ARFGEF2: variants seen among roughly 807,000 people sequenced by gnomAD.
ARFGEF2 encodes the protein ARF guanine nucleotide exchange factor 2.
A neutral mutation model predicts 219.9 loss-of-function variants in ARFGEF2; 74 were observed. That is an observed-to-expected ratio of 0.34 (90% CI 0.28 to 0.41). The LOEUF is 0.41. ARFGEF2 is among the 10% of genes least tolerant of loss of function. ARFGEF2 has a pLI of 1.00. For missense variants in ARFGEF2, 1,743 were observed against 2,218.3 expected, an observed-to-expected ratio of 0.79 and a Z score of 4.30; for synonymous variants, 733 against 799.2, an observed-to-expected ratio of 0.92 and a Z score of 1.40.
chr20:48,956,769 G>A (rs899559486), intron 6 of ARFGEF2, among the ~76,000 whole-genome samples: 3 of 152,050 alleles, frequency 2.0e-5, no homozygotes, highest in Non-Finnish European at 2.9e-5. Flanking sequence ...TAGTAGAAAC[G>A]GAGTTTCACC....
At chr20:48,963,069 G>A (rs989724656) in intron 6 of ARFGEF2, among the ~76,000 whole-genome samples, 2 of 151,588 alleles carry the variant, frequency 1.3e-5, no homozygotes, top group South Asian at 2.1e-4. Flanking sequence ...TTAGCCGGGC[G>A]TGGTGAGGAG....
Position 49,033,127 on chromosome 20 carries a change from A to G in ARFGEF2, c.5286A>G (p.Ile1762Met), listed in dbSNP as rs774661656. The G allele has an allele frequency of 8.7e-6, 14 of 1,614,084 alleles. No homozygotes were observed. Among genetic ancestry groups the G allele is most frequent in the Admixed American group, 5.0e-5 (3 of 59,992 alleles). Residue 1762 changes from isoleucine (I) to methionine (M), a missense_variant, in exon 39 of 39, where the codon ATA (isoleucine) becomes ATG (methionine). By Grantham distance (10) the Ile-to-Met change is conservative. This residue lies in a region of ARFGEF2 where 578 missense variants were observed against 664.0 expected (regional missense o/e 0.87). Transcript: ENST00000371917. ...TTCTGCGGAAGTTCTTCCTACGGAT[A>G]GGTGTTGTGTATAAGATATGGATAC... Reference protein sequence around the residue: ...RAVLRKFFLRIGVVYKIWIPE... With the variant: ...RAVLRKFFLRMGVVYKIWIPE...
Position 48,991,033 on chromosome 20 carries a change from G to A in ARFGEF2, c.2815-7G>A, listed in dbSNP as rs187176143. 741 of 1,613,476 alleles carry A rather than the reference G, an allele frequency of 4.6e-4. 12 individuals carry two copies. In the Admixed American group the frequency reaches 0.012, roughly 27 times the overall value. On this transcript the variant is annotated splice_polypyrimidine_tract_variant and splice_region_variant and intron_variant, in intron 20 of 38. Coordinates refer to ENST00000371917, the MANE Select transcript of ARFGEF2 (RefSeq NM_006420.3). ...TCACAGTGTTCTCTCTTGGGTTTCTGTTACAGCTGGAACGAGATGCCTATG... is the reference window on the plus strand; with the variant it reads ...TCACAGTGTTCTCTCTTGGGTTTCTATTACAGCTGGAACGAGATGCCTATG...
chr20:49,004,966 G>A, intron 25 of ARFGEF2, 104 bp from the exon 26 acceptor site: 1 of 1,281,694 alleles, frequency 7.8e-7, no homozygotes, highest in Non-Finnish European at 1.1e-6. Context: ...TGTTTTCCCT[G>A]AATGTTTGTT....
chr20:49,024,466 C>T (rs1242816941), intron 35 of ARFGEF2, among the ~76,000 whole-genome samples: 1 of 152,292 alleles, frequency 6.6e-6, no homozygotes, highest in East Asian at 1.9e-4. Flanking sequence ...CACCTCTCAG[C>T]TTTAGCGCCC....
At chr20:48,990,009 A>G (rs35314975) in intron 20 of ARFGEF2, among the ~76,000 whole-genome samples, 4,309 of 152,222 alleles carry the variant, frequency 0.028, 186 homozygotes, top group East Asian at 0.19. Flanking sequence ...GAGAAACCCC[A>G]TCTCTACTAA....
At chr20:48,938,971 T>C (rs28428608) in intron 1 of ARFGEF2, among the ~76,000 whole-genome samples, 1 of 149,668 alleles carries the variant, frequency 6.7e-6, no homozygotes, top group Non-Finnish European at 1.5e-5. Flanking sequence ...TTATGGGTTT[T>C]TTTTGTTTGT....
chr20:48,984,685 G>A (rs752124630), intron 14 of ARFGEF2, 44 bp from the exon 15 acceptor site: 1 of 1,613,276 alleles, frequency 6.2e-7, no homozygotes, highest in Non-Finnish European at 8.5e-7. Flanking sequence ...CTATCCTCCA[G>A]ATTTTGAAAT....
In ARFGEF2 at chr20:49,025,237, C is replaced by G. The variant is rs2091594371; in HGVS notation, c.4756-76C>G. The G allele has an allele frequency of 4.7e-6, 7 of 1,480,952 alleles. No individual in the cohort carries two copies. The South Asian group carries it at 8.5e-5, about 18-fold the overall frequency. The allele number at this position is 1,480,952 out of a possible 1,614,324, so 91.7% of individuals were successfully genotyped here. A position where few individuals can be genotyped will look rare whatever the true frequency, so the allele number is the denominator to read the frequency against. The stretch of plus-strand genomic sequence containing the variant: ...GATGACTTTTGGAGAGTCATGACTG[C>G]CGTTGTCTGCAATCACAATGCCCAG... On this transcript the variant is annotated intron_variant, in intron 35 of 38. Transcript: ENST00000371917.
In ARFGEF2 at chr20:48,963,810, A is replaced by G. The variant is rs2295031; in HGVS notation, c.839-20A>G. 0.33 allele frequency: 535,599 copies of G among 1,610,356 alleles called. 91,884 individuals carry two copies. Among genetic ancestry groups the G allele is most frequent in the African/African-American group, 0.54 (40,388 of 74,776 alleles). On this transcript the variant is annotated intron_variant, in intron 6 of 38. Coordinates refer to ENST00000371917, the MANE Select transcript of ARFGEF2 (RefSeq NM_006420.3). ...CTGAAAATGCCCACGTGTGTTTTGT[A>G]TATTTGGATGTGTGTGTAGGGACTG...
At chr20:48,992,899 A>G (rs2091365259) in intron 21 of ARFGEF2, among the ~76,000 whole-genome samples, 1 of 151,870 alleles carries the variant, frequency 6.6e-6, no homozygotes, top group South Asian at 2.1e-4. Flanking sequence ...TTATTTTTTT[A>G]ATTAGCTAGG....
At chr20:48,995,233 C>A (rs2091379145) in intron 22 of ARFGEF2, among the ~76,000 whole-genome samples, 1 of 152,188 alleles carries the variant, frequency 6.6e-6, no homozygotes. Context: ...CATCATACTG[C>A]AAAGGAGTGG....
In ARFGEF2 at chr20:49,025,500, T is replaced by C; in HGVS notation, c.4924+19T>C. Reference sequence around the variant, plus strand: ...CGAGCAGGTAAGGCCACACAGCAGATAAGATAGATGGCCACACTGGTCACC... The same window carrying C: ...CGAGCAGGTAAGGCCACACAGCAGACAAGATAGATGGCCACACTGGTCACC... On this transcript the variant is annotated intron_variant, in intron 36 of 38. Coordinates refer to ENST00000371917, the MANE Select transcript of ARFGEF2 (RefSeq NM_006420.3). The C allele has an allele frequency of 1.2e-6, 2 of 1,613,558 alleles. No homozygotes were observed. Among genetic ancestry groups the C allele is most frequent in the South Asian group, 2.2e-5 (2 of 90,996 alleles).
At chr20:48,984,958 G>T (rs2091318295) in intron 15 of ARFGEF2, 118 bp downstream of exon 15, 2 of 1,551,090 alleles carry the variant, frequency 1.3e-6, no homozygotes, top group Admixed American at 1.9e-5. Flanking sequence ...CCACCCCCGG[G>T]TTATACATTG....
At chr20:49,018,233 A>G (rs909111321) in intron 33 of ARFGEF2, among the ~76,000 whole-genome samples, 11 of 151,912 alleles carry the variant, frequency 7.2e-5, no homozygotes, top group Admixed American at 3.9e-4. Flanking sequence ...TTTATTTTTT[A>G]TTTTATTTTA....
At chr20:48,932,980 G>A (rs1215238682) in intron 1 of ARFGEF2, among the ~76,000 whole-genome samples, 1 of 152,172 alleles carries the variant, frequency 6.6e-6, no homozygotes, top group Non-Finnish European at 1.5e-5. Context: ...GTTGGGCAGT[G>A]CTGGGTTTGA....
chr20:49,017,627 G>A (rs1335209314), intron 33 of ARFGEF2, 77 bp downstream of exon 33: 16 of 1,501,550 alleles, frequency 1.1e-5, no homozygotes, highest in Non-Finnish European at 1.5e-5. Flanking sequence ...TGTATAGTTT[G>A]TACTTTTTTT....
intron 1 of ARFGEF2, among the ~76,000 whole-genome samples, chr20:48,935,771 G>A (rs1398797679): frequency 2.0e-5 from 3 of 148,436 alleles, no homozygotes; most frequent in Non-Finnish European, 3.0e-5. Flanking sequence ...TGGGCGGGGG[G>A]CTGACCCCCC....
intron 10 of ARFGEF2, among the ~76,000 whole-genome samples, 192 bp downstream of exon 10, chr20:48,971,546 G>A (rs960108286): frequency 1.3e-5 from 2 of 152,060 alleles, no homozygotes; most frequent in African/African-American, 2.4e-5. Context: ...CATATTCATC[G>A]GCTGGCACCC....
Sources: gnomAD v4.1 joint callset for allele counts (sites outside exome capture counted in the v4.1 genomes callset) on GRCh38, gnomAD v4.1.1 for gene constraint, gnomAD v4.1.1 regional missense constraint, MANE v1.5 for transcripts, NCBI Gene and HGNC (gene_info 2026-07-23, HGNC 2026-07-21) for gene names.